Variants in HS6ST2 observed in about 807,000 individuals in gnomAD.
The protein encoded by HS6ST2 is heparan-sulfate 6-O-sulfotransferase 2.
Under a neutral mutation model 33.0 loss-of-function variants are expected in HS6ST2, and 17 were observed. That is an observed-to-expected ratio of 0.52 (90% CI 0.35 to 0.77). HS6ST2 has a LOEUF of 0.77. Ranked by LOEUF, HS6ST2 falls within the 30% of genes least tolerant of loss-of-function variation. HS6ST2 has a pLI of 0.01. For synonymous variants in HS6ST2, 248 were observed against 237.1 expected, an observed-to-expected ratio of 1.05 and a Z score of -0.42; for missense variants, 519 against 551.7, an observed-to-expected ratio of 0.94 and a Z score of 0.59.
rs1286111230 is a variant in HS6ST2 at position 132,680,759 on chromosome X, G to T, written c.981-11560C>A. 2.8e-4 allele frequency among the ~76,000 whole-genome samples: 31 copies of T among 110,722 alleles called. 1 individual carries two copies. Among genetic ancestry groups the T allele is most frequent in the Non-Finnish European group, 9.4e-5 (5 of 52,913 alleles). On this transcript the variant is annotated intron_variant, in intron 3 of 4. Coordinates refer to ENST00000370833, the MANE Select transcript of HS6ST2 (RefSeq NM_001394073.1). ...CACCTGTAATCCTAGCACTTTGGGA[G>T]GCTGAGTCGGTGGATCACCTGAGGT...
intron 2 of HS6ST2, among the ~76,000 whole-genome samples, chrX:132,829,612 T>C (rs1208700846): frequency 9.0e-6 from 1 of 111,583 alleles, no homozygotes; most frequent in Non-Finnish European, 1.9e-5. Flanking sequence ...CCATGTCAAC[T>C]GGCACAGCCC....
At chrX:132,652,416 TAG>T (rs761213459) in intron 4 of HS6ST2, among the ~76,000 whole-genome samples, 1 of 111,640 alleles carries the variant, frequency 9.0e-6, no homozygotes, top group Non-Finnish European at 1.9e-5. Flanking sequence ...ACATATATAA[TAG>T]AGAGAGTGCC....
chrX:132,633,693 G>T (rs911107693), intron 4 of HS6ST2, among the ~76,000 whole-genome samples: 2 of 111,436 alleles, frequency 1.8e-5, no homozygotes, highest in Admixed American at 1.9e-4. Flanking sequence ...GGTCTATTTA[G>T]GGACCTTTTT....
At chrX:132,829,199 T>TATATATATATATACACAC (rs55664940) in intron 2 of HS6ST2, among the ~76,000 whole-genome samples, 5 of 73,288 alleles carry the variant, frequency 6.8e-5, no homozygotes, top group African/African-American at 1.2e-4. Flanking sequence ...TATATATATA[T>TATATATATATATACACAC]ACATACTTAT....
intron 3 of HS6ST2, among the ~76,000 whole-genome samples, chrX:132,693,296 T>C (rs1223551183): frequency 9.0e-6 from 1 of 111,730 alleles, no homozygotes; most frequent in African/African-American, 3.3e-5. Context: ...GGGATCAGAG[T>C]CCTGCCACGG....
chrX:132,921,521 G>A (rs1295359032), intron 2 of HS6ST2, among the ~76,000 whole-genome samples: 5 of 111,872 alleles, frequency 4.5e-5, no homozygotes, highest in African/African-American at 9.8e-5. Flanking sequence ...TGATTACTGC[G>A]GACAAAGACA....
intron 2 of HS6ST2, among the ~76,000 whole-genome samples, chrX:132,864,172 CA>C (rs1397383406): frequency 9.1e-6 from 1 of 109,796 alleles, no homozygotes; most frequent in Non-Finnish European, 1.9e-5. Context: ...CTGAAAATTC[CA>C]AAAACCAGCA....
chrX:132,631,956 G>A (rs1174126219), intron 4 of HS6ST2, among the ~76,000 whole-genome samples: 1 of 111,268 alleles, frequency 9.0e-6, no homozygotes, highest in African/African-American at 3.3e-5. Flanking sequence ...TAGAGAGAAG[G>A]CAACACAGAG....
At chrX:132,929,378 T>A (rs1434616191) in intron 2 of HS6ST2, among the ~76,000 whole-genome samples, 2 of 110,517 alleles carry the variant, frequency 1.8e-5, no homozygotes, top group African/African-American at 6.6e-5. Flanking sequence ...CCGTCCTACC[T>A]ACTTGGGAGG....
intron 2 of HS6ST2, among the ~76,000 whole-genome samples, chrX:132,795,814 G>A (rs1370086113): frequency 1.8e-5 from 2 of 111,089 alleles, no homozygotes; most frequent in African/African-American, 6.6e-5. Flanking sequence ...TTGCCATGTT[G>A]CCCAGGCTGG....
intron 2 of HS6ST2, among the ~76,000 whole-genome samples, chrX:132,863,276 A>C (rs1385729840): frequency 9.0e-6 from 1 of 111,710 alleles, no homozygotes; most frequent in Non-Finnish European, 1.9e-5. Flanking sequence ...TTAGAGTTAT[A>C]GATCAGTGAC....
intron 4 of HS6ST2, among the ~76,000 whole-genome samples, chrX:132,659,008 C>T (rs185846997): frequency 1.8e-5 from 2 of 111,728 alleles, no homozygotes; most frequent in South Asian, 3.8e-4. Context: ...CTCAGGTGAT[C>T]CAAAACACTA....
intron 2 of HS6ST2, among the ~76,000 whole-genome samples, chrX:132,752,471 C>A (rs868516229): frequency 7.0e-3 from 412 of 58,925 alleles, no homozygotes; most frequent in East Asian, 9.7e-3. Context: ...GACTCCGTCT[C>A]AAAAAAAAAA....
At chrX:132,926,338 C>T (rs2066710220) in intron 2 of HS6ST2, among the ~76,000 whole-genome samples, 1 of 112,399 alleles carries the variant, frequency 8.9e-6, no homozygotes, top group Non-Finnish European at 1.9e-5. Flanking sequence ...ATCCAAATGC[C>T]AGTCTTCAGA....
chrX:132,683,546 T>C (rs2063991311), intron 3 of HS6ST2, among the ~76,000 whole-genome samples: 1 of 112,089 alleles, frequency 8.9e-6, no homozygotes, highest in South Asian at 3.8e-4. Context: ...TGGAAGGTTC[T>C]GGTTTAAGTG....
intron 3 of HS6ST2, among the ~76,000 whole-genome samples, chrX:132,702,346 ACT>A (rs1475633827): frequency 3.6e-5 from 4 of 112,592 alleles, no homozygotes; most frequent in Non-Finnish European, 7.5e-5. Context: ...ACAAAAATGC[ACT>A]GAGTAATCAA....
chrX:132,831,581 G>A (rs2065590384), intron 2 of HS6ST2, among the ~76,000 whole-genome samples: 1 of 111,588 alleles, frequency 9.0e-6, no homozygotes, highest in Admixed American at 9.6e-5. Context: ...TCAGAACCGA[G>A]ATACTTTGGA....
At chrX:132,697,535 A>G (rs2064112496) in intron 3 of HS6ST2, among the ~76,000 whole-genome samples, 1 of 111,870 alleles carries the variant, frequency 8.9e-6, no homozygotes. Context: ...TAAAACTGGC[A>G]GATAGATTGA....
rs1361851111 is a variant in HS6ST2, at chrX:132,954,056, T to C, written c.947+2752A>G. Among the ~76,000 whole-genome samples, 3 of 112,385 alleles carry C rather than the reference T, an allele frequency of 2.7e-5. No homozygotes were observed. In the East Asian group the frequency reaches 8.4e-4, roughly 31 times the overall value. ...CCTTTAGCCTTTTTGGGCTTCATTC[T>C]CATCTGATAAATGGGGATCCTTTTG... On this transcript the variant is annotated intron_variant, in intron 2 of 4. Coordinates refer to ENST00000370833, the MANE Select transcript of HS6ST2 (RefSeq NM_001394073.1).
Sources: gnomAD v4.1 joint callset for allele counts (sites outside exome capture counted in the v4.1 genomes callset) on GRCh38, gnomAD v4.1.1 for gene constraint, MANE v1.5 for transcripts, NCBI Gene and HGNC (gene_info 2026-07-23, HGNC 2026-07-21) for gene names.